PES1: variants seen among roughly 807,000 people sequenced by gnomAD.
The protein encoded by PES1 is pescadillo ribosomal biogenesis factor 1.
In PES1, 31 loss-of-function variants were observed where a neutral mutation model predicts 77.1. That is an observed-to-expected ratio of 0.40 (90% CI 0.30 to 0.54). The LOEUF (loss-of-function observed/expected upper bound fraction) is 0.54, where lower values mean the gene tolerates loss of function less well. PES1 is among the 20% of genes least tolerant of loss of function. The pLI is 0.45. For synonymous variants in PES1, 282 were observed against 303.0 expected (o/e 0.93, Z 0.72); for missense variants, 658 against 771.7 (o/e 0.85, Z 1.75).
chr22:30,590,768 C>T lies in PES1; in HGVS notation c.24+1042G>A, dbSNP rs1056804072. On this transcript the variant is annotated intron_variant, in intron 1 of 14. Coordinates refer to ENST00000354694, the MANE Select transcript of PES1 (RefSeq NM_014303.4). ...AGGATCAGGGATGTTGCCAAATATC[C>T]TACTACACACAAGACAATCCTTCCC... Among the ~76,000 whole-genome samples, 6 of 152,248 alleles carry T rather than the reference C, an allele frequency of 3.9e-5. No individual in the cohort carries two copies. In the East Asian group the frequency reaches 9.7e-4, roughly 24 times the overall value.
intron 2 of PES1, among the ~76,000 whole-genome samples, chr22:30,599,618 G>A (rs570575949): frequency 2.2e-4 from 33 of 152,268 alleles, no homozygotes; most frequent in African/African-American, 6.5e-4. Flanking sequence ...GAAAAATATA[G>A]GCTGGGCGCG....
chr22:30,595,935 G>C (rs1199000428), upstream of PES1, among the ~76,000 whole-genome samples: 2 of 152,242 alleles, frequency 1.3e-5, no homozygotes, highest in Admixed American at 6.5e-5. Flanking sequence ...TAGTACTAAC[G>C]GGACAGTCTC....
At chr22:30,596,660 A>G (rs537043235), upstream of PES1, among the ~76,000 whole-genome samples, 50 of 152,320 alleles carry the variant, frequency 3.3e-4, 1 homozygote, top group South Asian at 0.01. Flanking sequence ...TCTTTTATAA[A>G]CCGATGACTC....
In PES1 at chr22:30,579,928, C is replaced by T. The variant is rs374982898; in HGVS notation, c.1177G>A (p.Val393Met). Residue 393 changes from valine to methionine, a missense_variant, in exon 12 of 15, where the codon GTG (valine) becomes ATG (methionine). Val to Met is a conservative substitution (Grantham distance 21, BLOSUM62 1). Transcript: ENST00000354694. ...QQTSVIGRCY[V>M]QPQWVFDSVN... ...GAGTCAAACACCCACTGGGGCTGCA[C>T]GTAGCACCTGGCGCAGAGTGGCAGG... 42 of 1,613,710 alleles carry T rather than the reference C, an allele frequency of 2.6e-5. No individual in the cohort carries two copies. Among genetic ancestry groups the T allele is most frequent in the African/African-American group, 1.3e-4 (10 of 74,918 alleles).
chr22:30,582,979 G>A (rs559602691), intron 6 of PES1, among the ~76,000 whole-genome samples: 5 of 152,320 alleles, frequency 3.3e-5, no homozygotes, highest in Middle Eastern at 3.4e-3. Flanking sequence ...AGGAAGCAAC[G>A]GCAGTGAACT....
intron 2 of PES1, among the ~76,000 whole-genome samples, chr22:30,597,187 G>A (rs1489403138): frequency 6.6e-6 from 1 of 152,126 alleles, no homozygotes; most frequent in South Asian, 2.1e-4. Flanking sequence ...CCTCCCCAAC[G>A]AGCGCCGCCC....
intron 1 of PES1, chr22:30,605,595 C>T (rs989760764): frequency 2.0e-6 from 1 of 494,240 alleles, no homozygotes; most frequent in Non-Finnish European, 2.6e-6. Context: ...CACCCAGGAC[C>T]AAGGTGGCTC....
At chr22:30,599,434 T>G (rs1170061288) in intron 2 of PES1, among the ~76,000 whole-genome samples, 1 of 152,108 alleles carries the variant, frequency 6.6e-6, no homozygotes, top group African/African-American at 2.4e-5. Flanking sequence ...TATGACTAAT[T>G]TAATATAACT....
chr22:30,585,673 A>C (rs948678750), intron 4 of PES1, among the ~76,000 whole-genome samples: 69 of 128,820 alleles, frequency 5.4e-4, no homozygotes, highest in Middle Eastern at 4.4e-3. Flanking sequence ...CAAGGAGAAG[A>C]AGCTTCCTTT....
chr22:30,605,532 C>A, intron 1 of PES1: 1 of 973,358 alleles, frequency 1.0e-6, no homozygotes, highest in Non-Finnish European at 1.2e-6. Flanking sequence ...AAATAGGAAT[C>A]ATAATAGTTG....
Position 30,589,236 on chromosome 22 carries a change from C to T in PES1, c.59G>A (p.Arg20Gln), listed in dbSNP as rs769402041. The T allele has an allele frequency of 3.1e-6, 5 of 1,613,760 alleles. No homozygotes were observed. The highest frequency in any genetic ancestry group is 1.3e-5 in the African/African-American group (1 of 74,900). The change falls in exon 2 of 15, where the codon CGG (arginine) becomes CAG (glutamine). Residue 20 changes from arginine (R) to glutamine (Q), a missense_variant. By Grantham distance (43) the Arg-to-Gln change is conservative (BLOSUM62 1). Coordinates refer to ENST00000354694, the MANE Select transcript of PES1 (RefSeq NM_014303.4). ...CTGGAGCTTCTTCCGGGCTTTGTTC[C>T]GGGTGATGTAGTTGGTGGCCGAGCC... ...ERGSATNYIT[R>Q]NKARKKLQLS... is the part of the protein sequence containing the mutation.
chr22:30,589,314 T>C, intron 1 of PES1, 44 bp from the exon 2 acceptor site: 1 of 1,489,584 alleles, frequency 6.7e-7, no homozygotes, highest in Non-Finnish European at 9.3e-7. Flanking sequence ...ATGATTGTAG[T>C]GACTGACATC....
intron 9 of PES1, 71 bp from the exon 10 acceptor site, chr22:30,580,772 T>C (rs2086972432): frequency 4.4e-6 from 7 of 1,596,040 alleles, no homozygotes; most frequent in Admixed American, 1.7e-5. Flanking sequence ...GGGCTGGAGA[T>C]AACGTCCACT....
intron 2 of PES1, among the ~76,000 whole-genome samples, chr22:30,601,543 C>T (rs1344712870): frequency 8.5e-5 from 2 of 23,494 alleles, no homozygotes; most frequent in Admixed American, 4.0e-4. Flanking sequence ...AAACTCTTGC[C>T]CCTCAAGTGA....
intron 14 of PES1, 146 bp downstream of exon 14, chr22:30,578,691 G>C: frequency 1.1e-6 from 1 of 939,652 alleles, no homozygotes. Flanking sequence ...GGGCCCCAAA[G>C]GCTGGGCTGG....
At chr22:30,594,939 G>GTGT (rs1396242735), upstream of PES1, among the ~76,000 whole-genome samples, 2 of 152,054 alleles carry the variant, frequency 1.3e-5, no homozygotes, top group Non-Finnish European at 1.5e-5. Flanking sequence ...CTGCAGTGAG[G>GTGT]TGTGTTCACG....
At chr22:30,594,865 A>G (rs1375246116), upstream of PES1, among the ~76,000 whole-genome samples, 3 of 151,958 alleles carry the variant, frequency 2.0e-5, no homozygotes, top group African/African-American at 7.3e-5. Flanking sequence ...GGTCCCAGCT[A>G]CTCGTGGTCC....
chr22:30,580,540 A>C (rs1415814500), intron 10 of PES1, 31 bp downstream of exon 10: 5 of 1,612,940 alleles, frequency 3.1e-6, no homozygotes, highest in Non-Finnish European at 4.2e-6. Context: ...GGCCGAACCA[A>C]TGCTGTCAGC....
chr22:30,605,391 C>T (rs1328481782), intron 2 of PES1: 1 of 927,910 alleles, frequency 1.1e-6, no homozygotes, highest in South Asian at 5.0e-5. Flanking sequence ...TGTCTCCCTC[C>T]TTTACTTCGA....
Sources: gnomAD v4.1 joint callset for allele counts (sites outside exome capture counted in the v4.1 genomes callset) on GRCh38, gnomAD v4.1.1 for gene constraint, MANE v1.5 for transcripts, NCBI Gene and HGNC (gene_info 2026-07-23, HGNC 2026-07-21) for gene names.